Variants in U2SURP observed in about 807,000 individuals in gnomAD.
U2SURP encodes U2 snRNP-associated SURP motif-containing protein.
U2SURP carries 9 observed loss-of-function variants against 144.9 expected under a neutral mutation model. The observed-to-expected ratio is 0.06, with a 90% CI of 0.04 to 0.11. The LOEUF (loss-of-function observed/expected upper bound fraction) is 0.11, where lower values mean the gene tolerates loss of function less well. Ranked by LOEUF, U2SURP falls within the 10% of genes least tolerant of loss-of-function variation. U2SURP has a pLI of 1.00. For missense variants in U2SURP, 724 were observed against 1,226.7 expected (o/e 0.59, Z 6.12); for synonymous variants, 408 against 396.8 (o/e 1.03, Z -0.33).
chr3:143,052,909 G>C (rs935831880), intron 25 of U2SURP, among the ~76,000 whole-genome samples: 1 of 149,862 alleles, frequency 6.7e-6, no homozygotes, highest in Admixed American at 6.6e-5. Context: ...TTTCAAATGA[G>C]AAGTGGCAGT....
intron 16 of U2SURP, 24 bp downstream of exon 16, chr3:143,028,670 A>C: frequency 6.4e-7 from 1 of 1,561,034 alleles, no homozygotes; most frequent in Non-Finnish European, 8.6e-7. Flanking sequence ...CCTTTCTATT[A>C]TATATTCAGA....
intron 27 of U2SURP, among the ~76,000 whole-genome samples, chr3:143,055,520 A>G (rs1935107802): frequency 6.6e-6 from 1 of 152,172 alleles, no homozygotes. Context: ...GGAAATACAT[A>G]TCATGAATAC....
At chr3:143,006,364 G>C (rs1935832520) in intron 1 of U2SURP, among the ~76,000 whole-genome samples, 1 of 152,186 alleles carries the variant, frequency 6.6e-6, no homozygotes, top group Non-Finnish European at 1.5e-5. Flanking sequence ...TTTGTTTGGT[G>C]GTAGGCACTT....
chr3:143,051,055 G>T lies in U2SURP; in HGVS notation c.2655+6G>T. ...GAGATAAACTTCTTCAACGAGTAAG[G>T]AATAAGTATACCCAATAATACACAT... On this transcript the variant is annotated splice_donor_region_variant and intron_variant, in intron 25 of 27. Coordinates refer to ENST00000473835, the MANE Select transcript of U2SURP (RefSeq NM_001080415.2). 1 of 1,547,852 alleles carries T rather than the reference G, an allele frequency of 6.5e-7. No homozygotes were observed. Among genetic ancestry groups the T allele is most frequent in the South Asian group, 1.2e-5 (1 of 86,494 alleles).
chr3:143,006,023 A>G (rs1935811268), intron 1 of U2SURP, among the ~76,000 whole-genome samples: 1 of 152,254 alleles, frequency 6.6e-6, no homozygotes, highest in South Asian at 2.1e-4. Context: ...AAAGCAAGAT[A>G]CATTTGTCAG....
At chr3:143,038,994 G>C in intron 23 of U2SURP, 34 bp downstream of exon 23, 1 of 1,345,788 alleles carries the variant, frequency 7.4e-7, no homozygotes, top group Non-Finnish European at 1.0e-6. Flanking sequence ...ACTGTTTCTT[G>C]TTCATATACA....
chr3:143,004,730 C>T (rs1935748191), intron 1 of U2SURP, among the ~76,000 whole-genome samples: 1 of 152,032 alleles, frequency 6.6e-6, no homozygotes, highest in Non-Finnish European at 1.5e-5. Context: ...CCCCTGTGCA[C>T]TTTAATTTTC....
chr3:143,021,590 C>T (rs1420216421), intron 10 of U2SURP, 35 bp downstream of exon 10: 1 of 1,557,426 alleles, frequency 6.4e-7, no homozygotes, highest in Admixed American at 1.8e-5. Flanking sequence ...GATTGATATG[C>T]TTTATGCTTT....
intron 3 of U2SURP, among the ~76,000 whole-genome samples, chr3:143,012,685 C>G (rs925060403): frequency 2.6e-5 from 4 of 152,148 alleles, no homozygotes; most frequent in Non-Finnish European, 4.4e-5. Context: ...ACTGGAAATG[C>G]ACAGATCATT....
At chr3:143,042,592 C>G (rs930102297) in intron 23 of U2SURP, among the ~76,000 whole-genome samples, 4 of 152,160 alleles carry the variant, frequency 2.6e-5, no homozygotes, top group South Asian at 4.1e-4. Context: ...TCTTTTATCC[C>G]TCACCCCCCT....
intron 20 of U2SURP, 125 bp downstream of exon 20, chr3:143,036,229 T>C: frequency 9.3e-7 from 1 of 1,079,306 alleles, no homozygotes; most frequent in Non-Finnish European, 1.2e-6. Flanking sequence ...TGCTTACCAT[T>C]AAGTAGTGGA....
intron 13 of U2SURP, chr3:143,024,506 G>A: frequency 2.2e-6 from 1 of 444,692 alleles, no homozygotes; most frequent in South Asian, 1.6e-5. Flanking sequence ...TTATTGTCAT[G>A]AACACTGGAC....
In U2SURP at chr3:143,032,838, T is replaced by C; in HGVS notation, c.1665T>C (p.Asp555=). The C allele has an allele frequency of 6.2e-7, 1 of 1,613,570 alleles. No individual in the cohort carries two copies. The highest frequency in any genetic ancestry group is 8.5e-7 in the Non-Finnish European group (1 of 1,179,624). Residue 555 remains aspartate, a synonymous_variant, in exon 17 of 28, where the codon GAT becomes GAC. Coordinates refer to ENST00000473835, the MANE Select transcript of U2SURP (RefSeq NM_001080415.2). ...GGGGATTAACTCCAAGGAAAAATGA[T>C]ATTGGAGATGCAATGGTTTTCTGTC... ...ILRGLTPRKN[D]IGDAMVFCLN...
chr3:143,036,868 T>A, intron 20 of U2SURP: 1 of 323,876 alleles, frequency 3.1e-6, no homozygotes, highest in Admixed American at 4.4e-5. Flanking sequence ...ATGATCTGAT[T>A]TCCTGGTTCC....
At chr3:143,032,748 T>C in intron 16 of U2SURP, 36 bp from the exon 17 acceptor site, 2 of 1,554,120 alleles carry the variant, frequency 1.3e-6, no homozygotes, top group Non-Finnish European at 1.8e-6. Flanking sequence ...TGAAATTGTA[T>C]CTAAATATTT....
chr3:143,034,138 T>C (rs745845270), intron 18 of U2SURP, among the ~76,000 whole-genome samples: 1 of 152,246 alleles, frequency 6.6e-6, no homozygotes, highest in Non-Finnish European at 1.5e-5. Flanking sequence ...GCACAGTGGC[T>C]CACGCCTGTA....
intron 1 of U2SURP, among the ~76,000 whole-genome samples, chr3:143,003,673 A>C (rs368201292): frequency 2.1e-4 from 17 of 81,942 alleles, no homozygotes; most frequent in South Asian, 3.9e-4. Context: ...TATTTATTTT[A>C]TTTCTTTTTT....
chr3:143,006,876 A>G (rs1420515967), intron 1 of U2SURP, among the ~76,000 whole-genome samples: 1 of 152,222 alleles, frequency 6.6e-6, no homozygotes, highest in African/African-American at 2.4e-5. Flanking sequence ...TGCTTCTCTT[A>G]GAGGGTGAGA....
intron 18 of U2SURP, among the ~76,000 whole-genome samples, chr3:143,034,141 C>A (rs536304848): frequency 6.6e-6 from 1 of 152,268 alleles, no homozygotes; most frequent in South Asian, 2.1e-4. Context: ...CAGTGGCTCA[C>A]GCCTGTAATC....
Sources: gnomAD v4.1 joint callset for allele counts (sites outside exome capture counted in the v4.1 genomes callset) on GRCh38, gnomAD v4.1.1 for gene constraint, MANE v1.5 for transcripts, NCBI Gene and HGNC (gene_info 2026-07-23, HGNC 2026-07-21) for gene names.